The following TTC27 variants were observed in gnomAD, a reference collection of about 807,000 sequenced individuals.
TTC27 encodes the protein tetratricopeptide repeat domain 27.
TTC27 carries 79 observed loss-of-function variants against 115.9 expected under a neutral mutation model. That is an observed-to-expected ratio of 0.68 (90% CI 0.57 to 0.82). The LOEUF (loss-of-function observed/expected upper bound fraction) is 0.82, where lower values mean the gene tolerates loss of function less well. Ranked by LOEUF, TTC27 falls within the 40% of genes least tolerant of loss-of-function variation. TTC27 has a pLI of 0.00. For synonymous variants in TTC27, 401 were observed against 356.0 expected (o/e 1.13, Z -1.42); for missense variants, 1,054 against 993.1 (o/e 1.06, Z -0.82).
intron 2 of TTC27, 121 bp from the exon 3 acceptor site, chr2:32,633,755 G>T: frequency 8.3e-7 from 1 of 1,198,954 alleles, no homozygotes; most frequent in Non-Finnish European, 1.1e-6. Context: ...AATACTCTAG[G>T]ATAGTCTCAA....
At chr2:32,723,523 G>T (rs1667993392) in intron 10 of TTC27, among the ~76,000 whole-genome samples, 1 of 151,942 alleles carries the variant, frequency 6.6e-6, no homozygotes, top group South Asian at 2.1e-4. Context: ...CAAGCTCTGG[G>T]GTACAGTGCT....
chr2:32,767,538 T>C (rs1353894286), intron 13 of TTC27, among the ~76,000 whole-genome samples: 1 of 142,372 alleles, frequency 7.0e-6, no homozygotes. Flanking sequence ...CTCGGCTCAC[T>C]GCAAGCTCCG....
At chr2:32,635,301 G>A (rs1664374940) in intron 3 of TTC27, 2 of 153,892 alleles carry the variant, frequency 1.3e-5, no homozygotes, top group Non-Finnish European at 2.9e-5. Context: ...GGAAAAAGCT[G>A]AGTGATTGAT....
At chr2:32,672,416 C>G in intron 8 of TTC27, 32 bp downstream of exon 8, 2 of 1,476,870 alleles carry the variant, frequency 1.4e-6, no homozygotes, top group Non-Finnish European at 1.9e-6. Flanking sequence ...CTGCTTTGAA[C>G]ACTTTGCATA....
intron 2 of TTC27, 139 bp downstream of exon 2, chr2:32,630,839 C>CT (rs1238777680): frequency 2.7e-6 from 2 of 737,772 alleles, no homozygotes; most frequent in Non-Finnish European, 4.2e-6. Context: ...ACCAAGTAAT[C>CT]TATGTAAAAA....
At chr2:32,729,971 A>G (rs1028992042) in intron 10 of TTC27, among the ~76,000 whole-genome samples, 3 of 152,168 alleles carry the variant, frequency 2.0e-5, no homozygotes, top group Admixed American at 1.3e-4. Context: ...TTTGGAGACC[A>G]TTTACCTAAA....
chr2:32,809,868 C>G (rs1441693743), intron 16 of TTC27, among the ~76,000 whole-genome samples: 2 of 152,188 alleles, frequency 1.3e-5, no homozygotes, highest in African/African-American at 4.8e-5. Flanking sequence ...CCTGTAATCC[C>G]AGCACTTTGG....
chr2:32,748,351 C>T (rs1485284709), intron 12 of TTC27, among the ~76,000 whole-genome samples: 2 of 152,076 alleles, frequency 1.3e-5, no homozygotes, highest in Admixed American at 6.6e-5. Context: ...TGTGGCCTGT[C>T]GTATAGTATA....
rs750904060 is a variant in TTC27 at position 32,758,532 on chromosome 2, A to G, written c.1680+13A>G. On this transcript the variant is annotated intron_variant, in intron 13 of 19. Coordinates refer to ENST00000317907, the MANE Select transcript of TTC27 (RefSeq NM_017735.5). Reference sequence around the variant, plus strand: ...TAATCCCATGCAGGTTAGACAACTCATAACCCCCTGCTGCTCTCAGCGCTT... The same window carrying G: ...TAATCCCATGCAGGTTAGACAACTCGTAACCCCCTGCTGCTCTCAGCGCTT... 3 of 1,609,522 alleles carry G rather than the reference A, an allele frequency of 1.9e-6. No individual in the cohort carries two copies. The highest frequency in any genetic ancestry group is 1.1e-5 in the South Asian group (1 of 90,930).
intron 4 of TTC27, among the ~76,000 whole-genome samples, chr2:32,641,315 C>T (rs1292953381): frequency 1.3e-5 from 2 of 152,192 alleles, no homozygotes; most frequent in African/African-American, 2.4e-5. Flanking sequence ...CGCTATTCAA[C>T]TCTGCTGCAT....
chr2:32,812,633 T>G lies in TTC27; in HGVS notation c.2308+18T>G, dbSNP rs1671356156. On this transcript the variant is annotated intron_variant, in intron 18 of 19. Transcript: ENST00000317907. The stretch of plus-strand genomic sequence containing the variant: ...TGCACATGGTATTTGATGTAACATT[T>G]GATATCCATGGAATGTTTTGACTTA... 1 of 1,558,656 alleles carries G rather than the reference T, an allele frequency of 6.4e-7. No individual in the cohort carries two copies. Among genetic ancestry groups the G allele is most frequent in the African/African-American group, 1.4e-5 (1 of 73,958 alleles).
intron 16 of TTC27, 78 bp from the exon 17 acceptor site, chr2:32,810,946 A>G: frequency 6.9e-7 from 1 of 1,457,312 alleles, no homozygotes; most frequent in Non-Finnish European, 9.6e-7. Flanking sequence ...ATTGTCTTTG[A>G]TGATGGTGAG....
intron 8 of TTC27, 129 bp from the exon 9 acceptor site, chr2:32,678,727 C>T (rs1666314569): frequency 1.5e-6 from 1 of 649,664 alleles, no homozygotes; most frequent in Non-Finnish European, 2.5e-6. Context: ...GTGCCCGGCC[C>T]CCATAATATT....
intron 3 of TTC27, among the ~76,000 whole-genome samples, chr2:32,639,060 C>T (rs1312146554): frequency 6.6e-6 from 1 of 151,958 alleles, no homozygotes; most frequent in Admixed American, 6.6e-5. Context: ...TCTTGATCTC[C>T]TGACCTCGTG....
intron 12 of TTC27, among the ~76,000 whole-genome samples, chr2:32,751,251 G>A (rs899518672): frequency 3.1e-5 from 4 of 131,108 alleles, no homozygotes; most frequent in Non-Finnish European, 6.4e-5. Flanking sequence ...TAAATGGGTA[G>A]GTTAAACCAC....
chr2:32,793,699 T>G (rs987345870), intron 16 of TTC27, among the ~76,000 whole-genome samples: 9 of 152,068 alleles, frequency 5.9e-5, no homozygotes, highest in Admixed American at 4.6e-4. Context: ...ATTTTTGTAT[T>G]TTTAGTAGAG....
chr2:32,730,185 C>CA (rs1211276459), intron 10 of TTC27, among the ~76,000 whole-genome samples: 8 of 152,178 alleles, frequency 5.3e-5, no homozygotes, highest in African/African-American at 1.9e-4. Flanking sequence ...GTACCTAATA[C>CA]TTGTGTTCGG....
At chr2:32,766,197 T>G (rs1669620004) in intron 13 of TTC27, among the ~76,000 whole-genome samples, 1 of 152,228 alleles carries the variant, frequency 6.6e-6, no homozygotes, top group African/African-American at 2.4e-5. Flanking sequence ...TTATACATAT[T>G]TATGGAGTAC....
At chr2:32,676,135 G>GTAGAA (rs1201325703) in intron 8 of TTC27, among the ~76,000 whole-genome samples, 1 of 151,892 alleles carries the variant, frequency 6.6e-6, no homozygotes, top group Non-Finnish European at 1.5e-5. Flanking sequence ...TACAACAGTG[G>GTAGAA]GGATAGCTTC....
Sources: allele counts gnomAD v4.1 joint callset (sites outside exome capture counted in the v4.1 genomes callset), GRCh38; gene constraint gnomAD v4.1.1; transcripts MANE v1.5; gene names NCBI Gene and HGNC (gene_info 2026-07-23, HGNC 2026-07-21).